The following XPOT variants were observed in gnomAD, a reference collection of about 807,000 sequenced individuals.
XPOT encodes the protein exportin-T.
XPOT carries 34 observed loss-of-function variants against 128.2 expected under a neutral mutation model. The ratio of observed to expected loss-of-function variants is 0.27; its 90% CI spans 0.20 to 0.35. The LOEUF is 0.35. XPOT is among the 10% of genes least tolerant of loss of function. XPOT has a pLI of 1.00. For synonymous variants in XPOT, 348 were observed against 394.3 expected (o/e 0.88, Z 1.39); for missense variants, 838 against 1,125.3 (o/e 0.74, Z 3.65).
intron 15 of XPOT, among the ~76,000 whole-genome samples, chr12:64,426,721 G>C (rs182805886): frequency 6.6e-6 from 1 of 152,154 alleles, no homozygotes; most frequent in Admixed American, 6.5e-5. Context: ...GGTGGCCCAC[G>C]CCTGTAATCC....
intron 2 of XPOT, among the ~76,000 whole-genome samples, chr12:64,410,680 A>G (rs1024871741): frequency 1.3e-5 from 2 of 152,224 alleles, no homozygotes; most frequent in Non-Finnish European, 2.9e-5. Flanking sequence ...ATAAGCAGTT[A>G]TGATAGGTTA....
chr12:64,405,986 A>G (rs2039977614), intron 1 of XPOT, among the ~76,000 whole-genome samples: 1 of 152,142 alleles, frequency 6.6e-6, no homozygotes, highest in South Asian at 2.1e-4. Flanking sequence ...ACTGTTAACT[A>G]GTTTGTTTCC....
Position 64,420,112 on chromosome 12 carries a change from C to G in XPOT, c.532C>G (p.Gln178Glu). The change falls in exon 7 of 25, where the codon CAG becomes GAG. Residue 178 changes from glutamine (Q) to glutamate (E), a missense_variant. Gln to Glu is a conservative substitution (Grantham distance 29, BLOSUM62 2). Transcript: ENST00000332707. ...NTLIKDTMRE[Q>E]CIPNLVESWY... Reference sequence around the variant, plus strand: ...TCTCATAAAAGATACCATGAGGGAACAGTGCATTCCAAATCTGGTGGAATC... The same window carrying G: ...TCTCATAAAAGATACCATGAGGGAAGAGTGCATTCCAAATCTGGTGGAATC... The G allele has an allele frequency of 1.2e-6, 2 of 1,600,990 alleles. No individual in the cohort carries two copies. Among genetic ancestry groups the G allele is most frequent in the Non-Finnish European group, 1.7e-6 (2 of 1,175,960 alleles).
chr12:64,435,436 C>CT (rs904392690), intron 21 of XPOT, among the ~76,000 whole-genome samples, 191 bp from the exon 22 acceptor site: 3 of 151,744 alleles, frequency 2.0e-5, no homozygotes, highest in Non-Finnish European at 2.9e-5. Context: ...TGTTTTTTTT[C>CT]TTTTTTTACT....
Position 64,414,915 on chromosome 12 carries a change from C to T in XPOT, c.69C>T (p.Ala23=). The T allele has an allele frequency of 6.2e-7, 1 of 1,611,984 alleles. No homozygotes were observed. The highest frequency in any genetic ancestry group is 8.5e-7 in the Non-Finnish European group (1 of 1,178,374). Residue 23 remains alanine, a synonymous_variant, in exon 3 of 25, where the codon GCC becomes GCT. Transcript: ENST00000332707. Reference sequence around the variant, plus strand: ...GTTTTGCAATCTTATAGGCCCTGGCCTATTTTGAGCAGTTAAAAATTTCCC... The same window carrying T: ...GTTTTGCAATCTTATAGGCCCTGGCTTATTTTGAGCAGTTAAAAATTTCCC... ...ADSDFRQRAL[A]YFEQLKISPD...
At chr12:64,417,501 G>A (rs2136016677) in intron 4 of XPOT, among the ~76,000 whole-genome samples, 1 of 150,146 alleles carries the variant, frequency 6.7e-6, no homozygotes, top group African/African-American at 2.5e-5. Context: ...CTGCACTTCA[G>A]CCTGGGCAAT....
At chr12:64,412,603 T>G (rs1364417850) in intron 2 of XPOT, among the ~76,000 whole-genome samples, 1 of 152,206 alleles carries the variant, frequency 6.6e-6, no homozygotes, top group Non-Finnish European at 1.5e-5. Flanking sequence ...AGTCTTAACT[T>G]CTAAAGAGAG....
rs2040212168 is a variant in XPOT at position 64,428,577 on chromosome 12, G to A, written c.1737+457G>A. Among the ~76,000 whole-genome samples, 4 of 151,966 alleles carry A rather than the reference G, an allele frequency of 2.6e-5. No individual in the cohort carries two copies. In the South Asian group the frequency reaches 8.3e-4, roughly 32 times the overall value. ...GGCTTAGGGTAAAAAAAAAAATTAA[G>A]TGCTAGTCGATCTGAATATTTTGGT... On this transcript the variant is annotated intron_variant, in intron 16 of 24. Coordinates refer to ENST00000332707, the MANE Select transcript of XPOT (RefSeq NM_007235.6).
intron 15 of XPOT, among the ~76,000 whole-genome samples, chr12:64,427,659 T>G (rs2040204294): frequency 6.6e-6 from 1 of 151,988 alleles, no homozygotes. Flanking sequence ...GATGGCCGGC[T>G]AATTTTTGTA....
chr12:64,445,815 A>G (rs1269701950), intron 24 of XPOT, among the ~76,000 whole-genome samples: 2 of 152,218 alleles, frequency 1.3e-5, no homozygotes, highest in East Asian at 3.8e-4. Context: ...ATTTTTTATT[A>G]TCTTCACTCA....
rs191900767 is a variant in XPOT at position 64,429,375 on chromosome 12, A to T, written c.1738-674A>T. Among the ~76,000 whole-genome samples the T allele has an allele frequency of 1.4e-3, 207 of 152,212 alleles. 1 individual carries two copies. Among genetic ancestry groups the T allele is most frequent in the Middle Eastern group, 3.4e-3 (1 of 290 alleles). ...ATCTTTCCTGGAAACACCCTTACAG[A>T]CACATGCAAAATAATGCTTTACTGT... On this transcript the variant is annotated intron_variant, in intron 16 of 24. Transcript: ENST00000332707.
In XPOT at chr12:64,434,487, C is replaced by T; in HGVS notation, c.2453-20C>T. 6.3e-7 allele frequency: 1 copy of T among 1,582,888 alleles called. No individual in the cohort carries two copies. The highest frequency in any genetic ancestry group is 8.7e-7 in the Non-Finnish European group (1 of 1,155,030). On this transcript the variant is annotated intron_variant, in intron 19 of 24. Transcript: ENST00000332707. ...TAGTTAATTTTGGAAATTGCTTAAACTAAAGGTTTTTCTCCTCAGGTGCAG... is the reference window on the plus strand; with the variant it reads ...TAGTTAATTTTGGAAATTGCTTAAATTAAAGGTTTTTCTCCTCAGGTGCAG...
chr12:64,422,152 C>T (rs1360965024), intron 9 of XPOT, among the ~76,000 whole-genome samples: 1 of 152,162 alleles, frequency 6.6e-6, no homozygotes, highest in African/African-American at 2.4e-5. Context: ...CCAGAAAGAA[C>T]TTGTAGGTGG....
chr12:64,438,103 G>A (rs1201995632), intron 22 of XPOT, among the ~76,000 whole-genome samples: 3 of 152,172 alleles, frequency 2.0e-5, no homozygotes, highest in Non-Finnish European at 4.4e-5. Context: ...CAGTCAAGGT[G>A]GATGTGGATG....
At chr12:64,408,217 C>G (rs1173665442) in intron 1 of XPOT, among the ~76,000 whole-genome samples, 1 of 152,146 alleles carries the variant, frequency 6.6e-6, no homozygotes, top group Non-Finnish European at 1.5e-5. Context: ...TCAAGCGATT[C>G]TCCTGCCTCA....
intron 9 of XPOT, 93 bp from the exon 10 acceptor site, chr12:64,422,912 A>G: frequency 7.4e-7 from 1 of 1,360,286 alleles, no homozygotes; most frequent in South Asian, 1.3e-5. Context: ...CAAAAAAAAA[A>G]AAAAAAACCA....
intron 22 of XPOT, 61 bp downstream of exon 22, chr12:64,435,735 C>A: frequency 1.3e-6 from 2 of 1,486,936 alleles, no homozygotes; most frequent in Non-Finnish European, 9.1e-7. Flanking sequence ...TTATCTTGTT[C>A]TTGAAAGATG....
At chr12:64,411,990 TCTCTC>T (rs1476927097) in intron 2 of XPOT, among the ~76,000 whole-genome samples, 2 of 150,940 alleles carry the variant, frequency 1.3e-5, no homozygotes, top group Non-Finnish European at 3.0e-5. Context: ...TTCCACGTTA[TCTCTC>T]CTCTCCTTCC....
chr12:64,441,147 A>G (rs535293956), intron 23 of XPOT, among the ~76,000 whole-genome samples: 1 of 152,314 alleles, frequency 6.6e-6, no homozygotes, highest in South Asian at 2.1e-4. Flanking sequence ...GCACGTAGAT[A>G]TCCAGTTTTA....
Sources: gnomAD v4.1 joint callset for allele counts (sites outside exome capture counted in the v4.1 genomes callset) on GRCh38, gnomAD v4.1.1 for gene constraint, MANE v1.5 for transcripts, NCBI Gene and HGNC (gene_info 2026-07-23, HGNC 2026-07-21) for gene names.